Variants in ASRGL1 observed in about 807,000 individuals in gnomAD.
The protein encoded by ASRGL1 is isoaspartyl peptidase/L-asparaginase.
ASRGL1 carries 16 observed loss-of-function variants against 22.4 expected under a neutral mutation model. The ratio of observed to expected loss-of-function variants is 0.71; its 90% confidence interval spans 0.48 to 1.08. The LOEUF is 1.08. Ranked by LOEUF, ASRGL1 falls within the 50% of genes least tolerant of loss-of-function variation. The pLI, the probability that ASRGL1 is intolerant of heterozygous loss-of-function variation, is 0.00. For synonymous variants in ASRGL1, 165 were observed against 159.3 expected, an observed-to-expected ratio of 1.04 and a Z score of -0.27; for missense variants, 412 against 410.1, an observed-to-expected ratio of 1.00 and a Z score of -0.04.
intron 6 of ASRGL1, 140 bp from the exon 7 acceptor site, chr11:62,391,939 G>T: frequency 1.0e-6 from 1 of 991,370 alleles, no homozygotes; most frequent in Non-Finnish European, 1.5e-6. Context: ...AAGGAGGTGA[G>T]GACCCTCCTT....
At chr11:62,388,263 A>G (rs1011602135) in intron 4 of ASRGL1, among the ~76,000 whole-genome samples, 4 of 152,334 alleles carry the variant, frequency 2.6e-5, no homozygotes, top group African/African-American at 9.6e-5. Flanking sequence ...ACTGTATTCG[A>G]GAATTCATAA....
At chr11:62,369,017 C>T (rs1946690762) in intron 4 of ASRGL1, among the ~76,000 whole-genome samples, 3 of 152,256 alleles carry the variant, frequency 2.0e-5, no homozygotes, top group South Asian at 2.1e-4. Flanking sequence ...TACTAATCCT[C>T]CTCAGCACAG....
intron 2 of ASRGL1, among the ~76,000 whole-genome samples, chr11:62,346,403 T>C (rs1431813084): frequency 6.6e-6 from 1 of 152,100 alleles, no homozygotes; most frequent in Non-Finnish European, 1.5e-5. Flanking sequence ...TACCTAGCAA[T>C]CCAAAAGCTC....
At chr11:62,355,587 C>T (rs189404291) in intron 2 of ASRGL1, among the ~76,000 whole-genome samples, 187 of 149,022 alleles carry the variant, frequency 1.3e-3, no homozygotes, top group Admixed American at 3.4e-3. Context: ...TTAAAGGGGG[C>T]AAATTAGAGG....
At chr11:62,355,866 A>T (rs577838375) in intron 2 of ASRGL1, among the ~76,000 whole-genome samples, 10 of 152,258 alleles carry the variant, frequency 6.6e-5, no homozygotes, top group African/African-American at 2.4e-4. Flanking sequence ...AACAAAGCAC[A>T]TCTTGCACCG....
intron 4 of ASRGL1, among the ~76,000 whole-genome samples, chr11:62,386,069 G>A (rs931990942): frequency 2.6e-5 from 4 of 152,066 alleles, no homozygotes; most frequent in Non-Finnish European, 4.4e-5. Context: ...GGCTTAGGCA[G>A]GAGAATAGCT....
intron 2 of ASRGL1, among the ~76,000 whole-genome samples, chr11:62,345,146 G>A (rs1297654060): frequency 6.6e-6 from 1 of 152,042 alleles, no homozygotes. Context: ...CCGAATCTTG[G>A]CTATTGTGAA....
Position 62,345,410 on chromosome 11 carries a change from A to T in ASRGL1, c.190+7243A>T, listed in dbSNP as rs569681914. The stretch of plus-strand genomic sequence containing the variant: ...CAGCCTCCCGAGTAGCTGGGATTAC[A>T]GGCGCCCACCACCATGCCTGGCTAA... On this transcript the variant is annotated intron_variant, in intron 2 of 6. Coordinates refer to ENST00000415229, the MANE Select transcript of ASRGL1 (RefSeq NM_001083926.2). Among the ~76,000 whole-genome samples the T allele has an allele frequency of 3.7e-4, 57 of 152,194 alleles. No homozygotes were observed. In the South Asian group the frequency reaches 0.012, roughly 32 times the overall value.
At chr11:62,345,815 T>A (rs1297169248) in intron 2 of ASRGL1, among the ~76,000 whole-genome samples, 1 of 152,158 alleles carries the variant, frequency 6.6e-6, no homozygotes, top group African/African-American at 2.4e-5. Context: ...CCACAGAGAC[T>A]CTCGCAGGCA....
intron 4 of ASRGL1, among the ~76,000 whole-genome samples, chr11:62,364,002 A>G (rs1424770467): frequency 2.0e-5 from 3 of 151,880 alleles, no homozygotes; most frequent in Admixed American, 1.3e-4. Context: ...ACTAAAAAAT[A>G]CAAAAAATCA....
intron 4 of ASRGL1, among the ~76,000 whole-genome samples, chr11:62,387,662 C>G (rs1349296638): frequency 6.6e-6 from 1 of 152,218 alleles, no homozygotes; most frequent in Non-Finnish European, 1.5e-5. Flanking sequence ...ACAGCACCTC[C>G]CCACCATCAC....
At chr11:62,398,700 G>A in the ASRGL1 span, among the ~76,000 whole-genome samples, 68,458 of 151,984 alleles carry the variant, frequency 0.45, 15,825 homozygotes, top group Middle Eastern at 0.57. Context: ...ATTGCAGGCC[G>A]GCATGTCTCC....
intron 6 of ASRGL1, 71 bp downstream of exon 6, chr11:62,391,703 G>T (rs1015448870): frequency 8.0e-5 from 119 of 1,488,420 alleles, no homozygotes; most frequent in Admixed American, 2.1e-4. Context: ...ATAAGTAAGC[G>T]CATGGAGAAG....
chr11:62,372,934 T>C (rs1385978804), intron 4 of ASRGL1: 2 of 1,543,160 alleles, frequency 1.3e-6, no homozygotes, highest in Non-Finnish European at 1.8e-6. Flanking sequence ...AGCAGCATCA[T>C]TGTGGCAGCC....
chr11:62,337,951 C>T lies in ASRGL1; in HGVS notation c.-27C>T. The T allele has an allele frequency of 6.4e-7, 1 of 1,571,042 alleles. No homozygotes were observed. The highest frequency in any genetic ancestry group is 8.6e-7 in the Non-Finnish European group (1 of 1,158,786). ...GGGCTGGCTTTGGACGACGCTTTCG[C>T]CTTCCTGCTGCCTAGGATCCGCCGA... On this transcript the variant is annotated 5_prime_UTR_variant, in exon 2 of 7. Transcript: ENST00000415229.
intron 2 of ASRGL1, among the ~76,000 whole-genome samples, chr11:62,338,701 C>T (rs1945788024): frequency 6.6e-6 from 1 of 151,538 alleles, no homozygotes; most frequent in Non-Finnish European, 1.5e-5. Flanking sequence ...TTTGGGAGGC[C>T]AAGGCGGGTG....
At chr11:62,354,014 A>C (rs60742620) in intron 2 of ASRGL1, among the ~76,000 whole-genome samples, 6,619 of 152,262 alleles carry the variant, frequency 0.043, 495 homozygotes, top group African/African-American at 0.15. Context: ...TGGTTTCCCC[A>C]CCTGTTAAAC....
chr11:62,349,175 G>A (rs1747893773), intron 2 of ASRGL1, among the ~76,000 whole-genome samples: 1 of 152,072 alleles, frequency 6.6e-6, no homozygotes, highest in South Asian at 2.1e-4. Flanking sequence ...CACCATGTTG[G>A]CCAGGCTGGT....
chr11:62,349,945 C>T (rs1946131288), intron 2 of ASRGL1, among the ~76,000 whole-genome samples: 1 of 152,010 alleles, frequency 6.6e-6, no homozygotes, highest in Non-Finnish European at 1.5e-5. Context: ...GTGAGGACGA[C>T]CAGAGGTCAC....
Sources: allele counts gnomAD v4.1 joint callset (sites outside exome capture counted in the v4.1 genomes callset), GRCh38; gene constraint gnomAD v4.1.1; transcripts MANE v1.5; gene names NCBI Gene and HGNC (gene_info 2026-07-23, HGNC 2026-07-21).